Variants in COL18A1 observed in about 807,000 individuals in gnomAD.
The protein encoded by COL18A1 is collagen alpha-1(XVIII) chain.
A neutral mutation model predicts 168.0 loss-of-function variants in COL18A1; 133 were observed. The ratio of observed to expected loss-of-function variants is 0.79; its 90% CI spans 0.69 to 0.91. The LOEUF (loss-of-function observed/expected upper bound fraction) is 0.91. Ranked by LOEUF, COL18A1 falls within the 40% of genes least tolerant of loss-of-function variation. COL18A1 has a pLI of 0.00. For synonymous variants in COL18A1, 949 were observed against 809.0 expected (o/e 1.17, Z -2.94); for missense variants, 2,126 against 1,925.4 (o/e 1.10, Z -1.95).
rs7277614 is a variant in COL18A1, at chr21:45,447,117, C to T, written c.107-21125C>T. On this transcript the variant is annotated intron_variant, in intron 2 of 41. Transcript: ENST00000651438. Reference sequence around the variant, plus strand: ...AACATTGTACTGGAGGTTCTAGCCACGAAAGTTAGGCAAGAAGAAATAAAA... The same window carrying T: ...AACATTGTACTGGAGGTTCTAGCCATGAAAGTTAGGCAAGAAGAAATAAAA... Among the ~76,000 whole-genome samples the T allele has an allele frequency of 1.7e-3, 263 of 151,386 alleles. 1 individual carries two copies. Among genetic ancestry groups the T allele is most frequent in the African/African-American group, 6.0e-3 (249 of 41,160 alleles).
rs11910788 is a variant in COL18A1 at position 45,417,361 on chromosome 21, T to G, written c.106+11888T>G. 3.5e-3 allele frequency among the ~76,000 whole-genome samples: 533 copies of G among 152,344 alleles called. 5 individuals carry two copies. The highest frequency in any genetic ancestry group is 0.012 in the African/African-American group (516 of 41,584). On this transcript the variant is annotated intron_variant, in intron 2 of 41. Coordinates refer to ENST00000651438, the MANE Select transcript of COL18A1 (RefSeq NM_001379500.1). The stretch of plus-strand genomic sequence containing the variant: ...TCTCTGTGCTTGTGGGCTGTTCCAC[T>G]GTAGTCTCTGGATTGGCCCCCGAAC...
chr21:45,456,676 C>G (rs1248906651), intron 2 of COL18A1: 4 of 1,532,698 alleles, frequency 2.6e-6, no homozygotes, highest in East Asian at 2.5e-5. Context: ...CGCACTGCCA[C>G]CCCTTCCTCG....
Position 45,491,216 on chromosome 21 carries a change from C to G in COL18A1, c.2068-9C>G, listed in dbSNP as rs1428374589. 1 of 1,610,026 alleles carries G rather than the reference C, an allele frequency of 6.2e-7. No homozygotes were observed. The highest frequency in any genetic ancestry group is 8.5e-7 in the Non-Finnish European group (1 of 1,177,518). On this transcript the variant is annotated splice_polypyrimidine_tract_variant and intron_variant, in intron 21 of 41. Transcript: ENST00000651438. ...GATGAAATGCCGGACGCGTGGCCTCCTCTTCCAGGGAGATCCAGGGAAGGA... is the reference window on the plus strand; with the variant it reads ...GATGAAATGCCGGACGCGTGGCCTCGTCTTCCAGGGAGATCCAGGGAAGGA...
At position 45,409,283 on chromosome 21, in the gene COL18A1, C is replaced by G. The variant is rs577877502; in HGVS notation, c.106+3810C>G. 2.0e-5 allele frequency among the ~76,000 whole-genome samples: 3 copies of G among 152,338 alleles called. No homozygotes were observed. The South Asian group carries it at 6.2e-4, about 32-fold the overall frequency. On this transcript the variant is annotated intron_variant, in intron 2 of 41. Transcript: ENST00000651438. Reference sequence around the variant, plus strand: ...GCGCAGGGTCTGAGACAGATATTCCCTCGTATGGTGCTGTGCAGGGCAGGG... The same window carrying G: ...GCGCAGGGTCTGAGACAGATATTCCGTCGTATGGTGCTGTGCAGGGCAGGG...
chr21:45,419,784 C>T (rs1002753306), intron 2 of COL18A1: 1 of 151,976 alleles, frequency 6.6e-6, no homozygotes, highest in Admixed American at 6.6e-5. Flanking sequence ...CATTTGAGGC[C>T]CCAGCCAGTA....
chr21:45,438,160 T>A (rs2034249066), intron 2 of COL18A1, among the ~76,000 whole-genome samples: 1 of 102,878 alleles, frequency 9.7e-6, no homozygotes, highest in Non-Finnish European at 1.9e-5. Flanking sequence ...ACACAGGCAC[T>A]CTCCTGCATA....
chr21:45,484,636 T>G (rs1191422687), intron 15 of COL18A1, among the ~76,000 whole-genome samples: 1 of 151,882 alleles, frequency 6.6e-6, no homozygotes, highest in East Asian at 1.9e-4. Context: ...ATCTGGGGCA[T>G]GTGCACACGC....
intron 6 of COL18A1, among the ~76,000 whole-genome samples, 158 bp downstream of exon 6, chr21:45,476,638 AAT>A (rs1179908496): frequency 6.6e-6 from 1 of 151,074 alleles, no homozygotes; most frequent in Non-Finnish European, 1.5e-5. Flanking sequence ...GTTTGTGTGA[AAT>A]ATATGGCAGG....
At chr21:45,483,841 G>A (rs527518333) in intron 15 of COL18A1, among the ~76,000 whole-genome samples, 2 of 152,102 alleles carry the variant, frequency 1.3e-5, no homozygotes, top group Non-Finnish European at 2.9e-5. Context: ...GAGGACATGG[G>A]CTGGGAGTGA....
At chr21:45,447,145 C>T (rs1210455843) in intron 2 of COL18A1, among the ~76,000 whole-genome samples, 1 of 151,908 alleles carries the variant, frequency 6.6e-6, no homozygotes, top group Non-Finnish European at 1.5e-5. Flanking sequence ...AAATAAAAGA[C>T]ATCCAGATTG....
At chr21:45,509,623 G>A in intron 39 of COL18A1, 22 bp downstream of exon 39, 1 of 1,329,476 alleles carries the variant, frequency 7.5e-7, no homozygotes, top group Non-Finnish European at 1.0e-6. Context: ...CCCAAAGTGG[G>A]CTTGGCTCCA....
chr21:45,470,386 G>T (rs560217516), intron 3 of COL18A1, among the ~76,000 whole-genome samples: 1 of 120,262 alleles, frequency 8.3e-6, no homozygotes, highest in South Asian at 2.6e-4. Context: ...GCATGCTGCA[G>T]ATTTTATTTC....
chr21:45,512,215 G>T lies in COL18A1; in HGVS notation c.3837G>T (p.Ser1279=). 1.2e-6 allele frequency: 2 copies of T among 1,612,120 alleles called. No individual in the cohort carries two copies. Among genetic ancestry groups the T allele is most frequent in the Non-Finnish European group, 8.5e-7 (1 of 1,179,628 alleles). Residue 1279 remains serine (S), a synonymous_variant, in exon 42 of 42, where the codon TCG becomes TCT. Coordinates refer to ENST00000651438, the MANE Select transcript of COL18A1 (RefSeq NM_001379500.1). Reference sequence around the variant, plus strand: ...CCCAGAAGAGCGTGTGGCATGGCTCGGACCCCAACGGGCGCAGGCTGACCG... The same window carrying T: ...CCCAGAAGAGCGTGTGGCATGGCTCTGACCCCAACGGGCGCAGGCTGACCG... ...TWPQKSVWHG[S]DPNGRRLTES... is the part of the protein sequence containing the mutation.
chr21:45,471,876 G>C lies in COL18A1; in HGVS notation c.652-2019G>C, dbSNP rs1279352904. 6.6e-6 allele frequency among the ~76,000 whole-genome samples: 1 copy of C among 152,164 alleles called. No individual in the cohort carries two copies. Among genetic ancestry groups the C allele is most frequent in the Non-Finnish European group, 1.5e-5 (1 of 68,040 alleles). On this transcript the variant is annotated intron_variant, in intron 3 of 41. Transcript: ENST00000651438. The surrounding 1 kb of genome is among the most constrained non-coding windows in gnomAD (Gnocchi z 4.4). ...GTGTCTCCGGATTTCATAACTTTCA[G>C]TCCGAAGTCCCTTAAATATTTACAA...
intron 24 of COL18A1, 75 bp from the exon 25 acceptor site, chr21:45,493,088 G>A (rs1283411234): frequency 1.5e-5 from 21 of 1,420,312 alleles, no homozygotes; most frequent in East Asian, 7.5e-5. Context: ...GGCAGCTGTC[G>A]GGGGAGATGG....
chr21:45,504,199 G>A (rs2037042733), intron 33 of COL18A1, 145 bp downstream of exon 33: 1 of 1,015,002 alleles, frequency 9.9e-7, no homozygotes, highest in Non-Finnish European at 1.5e-6. Context: ...GGTGTCGAGG[G>A]CGTCCCTCAG....
chr21:45,512,306 G>C lies in COL18A1; in HGVS notation c.3928G>C (p.Gly1310Arg), dbSNP rs374822514. ...SATGQASSLLGGRLLGQSAAS... is the reference protein window; with the variant it reads ...SATGQASSLLRGRLLGQSAAS... ...CACGGGCCAGGCCTCCTCGCTGCTG[G>C]GGGGCAGGCTCCTGGGGCAGAGTGC... Residue 1310 changes from glycine (G) to arginine (R), a missense_variant, in exon 42 of 42, where the codon GGG (glycine) becomes CGG (arginine). Gly to Arg is a moderately radical substitution (Grantham distance 125, BLOSUM62 -2). Transcript: ENST00000651438. 6.2e-7 allele frequency: 1 copy of C among 1,612,470 alleles called. No individual in the cohort carries two copies.
intron 2 of COL18A1, among the ~76,000 whole-genome samples, chr21:45,464,524 A>C (rs1192331019): frequency 6.6e-6 from 1 of 152,144 alleles, no homozygotes; most frequent in African/African-American, 2.4e-5. Context: ...CGACTGTAAG[A>C]AATTGCCACA....
At chr21:45,479,638 CA>C (rs2035822796) in intron 9 of COL18A1, among the ~76,000 whole-genome samples, 1 of 152,104 alleles carries the variant, frequency 6.6e-6, no homozygotes, top group Non-Finnish European at 1.5e-5. Context: ...ACCCAAGCAC[CA>C]GCTGTTGTGG....
Sources: gnomAD v4.1 joint callset for allele counts (sites outside exome capture counted in the v4.1 genomes callset) on GRCh38, gnomAD v4.1.1 for gene constraint, Gnocchi (gnomAD v3.1) non-coding constraint, MANE v1.5 for transcripts, NCBI Gene and HGNC (gene_info 2026-07-23, HGNC 2026-07-21) for gene names.